Variants in RBMS3 observed in about 807,000 individuals in gnomAD.
RBMS3 encodes the protein RNA binding motif single stranded interacting protein 3, also known as RNA-binding motif, single-stranded-interacting protein 3.
Under a neutral mutation model 66.8 loss-of-function variants are expected in RBMS3, and 27 were observed. That is an observed-to-expected ratio of 0.40 (90% CI 0.30 to 0.56). RBMS3 has a LOEUF of 0.56. Among genes scored for constraint, RBMS3 ranks in the 20% least tolerant of loss-of-function variants. The pLI, the probability that RBMS3 is intolerant of heterozygous loss-of-function variation, is 0.40. For missense variants in RBMS3, 513 were observed against 549.5 expected, an observed-to-expected ratio of 0.93 and a Z score of 0.66; for synonymous variants, 188 against 183.0, an observed-to-expected ratio of 1.03 and a Z score of -0.22.
intron 4 of RBMS3, among the ~76,000 whole-genome samples, chr3:29,713,126 A>G (rs1386671075): frequency 1.3e-5 from 2 of 151,846 alleles, no homozygotes; most frequent in African/African-American, 2.4e-5. Flanking sequence ...TATATTATAT[A>G]TAATATACCA....
chr3:29,578,887 C>A (rs112769212), intron 3 of RBMS3, among the ~76,000 whole-genome samples: 4 of 131,938 alleles, frequency 3.0e-5, no homozygotes, highest in Admixed American at 7.7e-5. Context: ...CTGCAAGCTC[C>A]GCTTCCCGGG....
intron 6 of RBMS3, among the ~76,000 whole-genome samples, chr3:29,784,014 A>C (rs1343546219): frequency 6.6e-6 from 1 of 152,136 alleles, no homozygotes; most frequent in Non-Finnish European, 1.5e-5. Flanking sequence ...TTAAATGTAT[A>C]TGTACCTAAC....
At position 29,631,475 on chromosome 3, in the gene RBMS3, T is replaced by C. The variant is rs1044985002; in HGVS notation, c.399+44270T>C. On this transcript the variant is annotated intron_variant, in intron 4 of 14. Transcript: ENST00000383767. Reference sequence around the variant, plus strand: ...AGGAAATAAGGCGTTCAAATTTCCATAGAAGATTTTTATTAACCTTCATAT... The same window carrying C: ...AGGAAATAAGGCGTTCAAATTTCCACAGAAGATTTTTATTAACCTTCATAT... Among the ~76,000 whole-genome samples the C allele has an allele frequency of 1.3e-4, 19 of 151,826 alleles. 1 individual carries two copies. The highest frequency in any genetic ancestry group is 4.6e-4 in the African/African-American group (19 of 41,384).
chr3:29,777,463 A>G, intron 6 of RBMS3, among the ~76,000 whole-genome samples: 1 of 151,984 alleles, frequency 6.6e-6, no homozygotes, highest in South Asian at 2.1e-4. Flanking sequence ...GCGTTTTATT[A>G]GTAAATGCTT....
intron 1 of RBMS3, among the ~76,000 whole-genome samples, chr3:29,320,902 G>A (rs1191715745): frequency 6.6e-6 from 1 of 151,626 alleles, no homozygotes; most frequent in African/African-American, 2.4e-5. Context: ...TATGAGCCAT[G>A]GCTCCAGTAC....
intron 6 of RBMS3, among the ~76,000 whole-genome samples, chr3:29,794,510 C>T (rs1010162892): frequency 7.2e-5 from 11 of 152,070 alleles, no homozygotes; most frequent in South Asian, 4.1e-4. Flanking sequence ...GGCGTGAACC[C>T]GGGAGGCTGA....
chr3:29,752,670 C>T (rs1357023983), intron 5 of RBMS3, among the ~76,000 whole-genome samples: 1 of 152,104 alleles, frequency 6.6e-6, no homozygotes, highest in Non-Finnish European at 1.5e-5. Context: ...GTATTAATAG[C>T]TTTATAAGGT....
At chr3:29,876,125 T>C (rs1279627013) in intron 7 of RBMS3, among the ~76,000 whole-genome samples, 1 of 152,202 alleles carries the variant, frequency 6.6e-6, no homozygotes, top group African/African-American at 2.4e-5. Context: ...TTAATAGTTT[T>C]TCTCTTATCC....
intron 1 of RBMS3, among the ~76,000 whole-genome samples, chr3:29,285,152 CA>C (rs796599850): frequency 1.8e-4 from 24 of 131,878 alleles, no homozygotes; most frequent in East Asian, 4.5e-4. Flanking sequence ...TCACCCTTTC[CA>C]AAAAAAAAAC....
chr3:29,523,110 C>T lies in RBMS3; in HGVS notation c.307+34611C>T, dbSNP rs557519381. ...GGAAACTGAAGCACAGTAACATTTT[C>T]TTCAATATCACACAGTTAGTAGCAA... is the stretch of plus-strand genomic sequence containing the variant. On this transcript the variant is annotated intron_variant, in intron 3 of 14. Transcript: ENST00000383767. 1.4e-4 allele frequency among the ~76,000 whole-genome samples: 21 copies of T among 152,264 alleles called. No individual in the cohort carries two copies. The South Asian group carries it at 4.4e-3, about 32-fold the overall frequency.
At chr3:29,709,983 C>T (rs1319469907) in intron 4 of RBMS3, among the ~76,000 whole-genome samples, 1 of 152,110 alleles carries the variant, frequency 6.6e-6, no homozygotes, top group Non-Finnish European at 1.5e-5. Flanking sequence ...GGAGAAAAAA[C>T]ACGTTACCAT....
At chr3:29,401,928 A>G (rs2039829652) in intron 1 of RBMS3, among the ~76,000 whole-genome samples, 1 of 152,022 alleles carries the variant, frequency 6.6e-6, no homozygotes, top group African/African-American at 2.4e-5. Flanking sequence ...TTAGAGAAAG[A>G]CAGCTTTGAA....
intron 4 of RBMS3, among the ~76,000 whole-genome samples, chr3:29,690,087 T>C (rs1291392601): frequency 6.6e-6 from 1 of 151,762 alleles, no homozygotes; most frequent in East Asian, 1.9e-4. Flanking sequence ...TAATCACATA[T>C]CTCACAATAT....
At chr3:29,283,467 G>T (rs2031995422) in intron 1 of RBMS3, among the ~76,000 whole-genome samples, 1 of 152,136 alleles carries the variant, frequency 6.6e-6, no homozygotes, top group South Asian at 2.1e-4. Context: ...GAAAGTGTGT[G>T]CGAGAGAGAG....
chr3:29,838,939 T>C (rs76818236), intron 6 of RBMS3, among the ~76,000 whole-genome samples: 4,879 of 152,196 alleles, frequency 0.032, 170 homozygotes, highest in East Asian at 0.11. Context: ...ATTCACTAGT[T>C]TATGTTAATG....
intron 2 of RBMS3, among the ~76,000 whole-genome samples, chr3:29,467,733 T>C (rs2125791311): frequency 6.6e-6 from 1 of 152,308 alleles, no homozygotes; most frequent in Admixed American, 6.5e-5. Flanking sequence ...CAAACAATTT[T>C]AGAGTAATCT....
chr3:29,803,516 A>G (rs2149446370), intron 6 of RBMS3, among the ~76,000 whole-genome samples: 1 of 152,260 alleles, frequency 6.6e-6, no homozygotes, highest in East Asian at 1.9e-4. Context: ...TCATTGGAAT[A>G]TCTATCACCT....
At chr3:29,306,143 T>C (rs1028170054) in intron 1 of RBMS3, among the ~76,000 whole-genome samples, 5 of 151,956 alleles carry the variant, frequency 3.3e-5, no homozygotes, top group Admixed American at 1.3e-4. Context: ...ATGTACGGCA[T>C]CTAGTGTTCC....
Position 30,003,901 on chromosome 3 carries a change from A to G in RBMS3, c.*39A>G, listed in dbSNP as rs200593412. ...ATGTCTGTCTGAATCTTTGCCTTGAATGAAGAAACTTCATTGAACAAGAAG... is the reference window on the plus strand; with the variant it reads ...ATGTCTGTCTGAATCTTTGCCTTGAGTGAAGAAACTTCATTGAACAAGAAG... On this transcript the variant is annotated 3_prime_UTR_variant, in exon 15 of 15. Coordinates refer to ENST00000383767, the MANE Select transcript of RBMS3 (RefSeq NM_001003793.3). The G allele has an allele frequency of 4.2e-6, 6 of 1,434,154 alleles. No homozygotes were observed. The African/African-American group carries it at 7.2e-5, about 17-fold the overall frequency. 88.8% of individuals were successfully genotyped at this position (1,434,154 alleles called of 1,614,324 possible). A position where few individuals can be genotyped will look rare whatever the true frequency, so the allele number is the denominator to read the frequency against.
Sources: gnomAD v4.1 joint callset for allele counts (sites outside exome capture counted in the v4.1 genomes callset) on GRCh38, gnomAD v4.1.1 for gene constraint, MANE v1.5 for transcripts, NCBI Gene and HGNC (gene_info 2026-07-23, HGNC 2026-07-21) for gene names.